SERGEF: variants seen among roughly 807,000 people sequenced by gnomAD.
The protein encoded by SERGEF is secretion regulating guanine nucleotide exchange factor, also known as secretion-regulating guanine nucleotide exchange factor.
A neutral mutation model predicts 50.0 loss-of-function variants in SERGEF; 51 were observed. That is an observed-to-expected ratio of 1.02 (90% CI 0.81 to 1.29). SERGEF has a LOEUF of 1.29. Ranked by LOEUF, SERGEF falls within the 50% of genes most tolerant of loss-of-function variation. The pLI is 0.00. For synonymous variants in SERGEF, 205 were observed against 212.4 expected, an observed-to-expected ratio of 0.97 and a Z score of 0.30; for missense variants, 521 against 557.0, an observed-to-expected ratio of 0.94 and a Z score of 0.65.
At chr11:17,922,196 C>T (rs987748616) in intron 9 of SERGEF, among the ~76,000 whole-genome samples, 1 of 152,198 alleles carries the variant, frequency 6.6e-6, no homozygotes, top group Non-Finnish European at 1.5e-5. Flanking sequence ...GAAAACCACT[C>T]CTGTCTACGA....
chr11:17,791,540 C>T (rs1193474689), intron 10 of SERGEF, among the ~76,000 whole-genome samples: 1 of 152,150 alleles, frequency 6.6e-6, no homozygotes. Context: ...AAAATAATTA[C>T]AATGTTTATC....
chr11:18,008,223 A>C (rs1248884401), intron 1 of SERGEF, 147 bp from the exon 2 acceptor site: 3 of 713,760 alleles, frequency 4.2e-6, no homozygotes, highest in Admixed American at 6.4e-5. Flanking sequence ...TTAAAAAAAA[A>C]TTTTTAGCTC....
At chr11:17,844,921 AC>A (rs1565183217) in intron 10 of SERGEF, among the ~76,000 whole-genome samples, 13 of 125,992 alleles carry the variant, frequency 1.0e-4, no homozygotes, top group African/African-American at 3.1e-4. Context: ...AACAAAACAA[AC>A]AAACAAAAAA....
chr11:17,970,999 C>T (rs1204350640), intron 8 of SERGEF, among the ~76,000 whole-genome samples: 1 of 152,026 alleles, frequency 6.6e-6, no homozygotes, highest in Non-Finnish European at 1.5e-5. Context: ...TCAAGACCAT[C>T]CTGGCTAACA....
At chr11:17,978,595 C>A (rs1373034198) in intron 8 of SERGEF, among the ~76,000 whole-genome samples, 1 of 152,254 alleles carries the variant, frequency 6.6e-6, no homozygotes, top group East Asian at 1.9e-4. Context: ...TCCTCTCCCA[C>A]AGCTGGCTCA....
chr11:17,955,069 T>C (rs1852838773), intron 9 of SERGEF, among the ~76,000 whole-genome samples: 1 of 152,232 alleles, frequency 6.6e-6, no homozygotes, highest in East Asian at 1.9e-4. Flanking sequence ...TGGGTAGGCA[T>C]CCTGATTGCA....
chr11:17,828,125 T>C (rs1179158179), intron 10 of SERGEF, among the ~76,000 whole-genome samples: 1 of 152,178 alleles, frequency 6.6e-6, no homozygotes, highest in African/African-American at 2.4e-5. Context: ...GTATCTACTG[T>C]GTGCTGCCTG....
At chr11:17,954,355 G>A (rs1452601376) in intron 9 of SERGEF, among the ~76,000 whole-genome samples, 1 of 152,200 alleles carries the variant, frequency 6.6e-6, no homozygotes, top group Non-Finnish European at 1.5e-5. Flanking sequence ...CGAGGGAGCT[G>A]TAGGACAAAG....
At chr11:17,947,330 G>T (rs541767688) in intron 9 of SERGEF, among the ~76,000 whole-genome samples, 3 of 152,312 alleles carry the variant, frequency 2.0e-5, no homozygotes, top group Middle Eastern at 3.4e-3. Flanking sequence ...TGGATGTGCA[G>T]GTAAGGGGGC....
At chr11:17,882,335 C>T (rs1851348344) in intron 9 of SERGEF, among the ~76,000 whole-genome samples, 1 of 146,450 alleles carries the variant, frequency 6.8e-6, no homozygotes, top group Non-Finnish European at 1.5e-5. Context: ...AGAAGAATTG[C>T]TTTAACCTGG....
chr11:17,951,321 T>C lies in SERGEF; in HGVS notation c.1011+8149A>G, dbSNP rs944267097. 3.9e-5 allele frequency among the ~76,000 whole-genome samples: 6 copies of C among 152,340 alleles called. No homozygotes were observed. The East Asian group carries it at 5.8e-4, about 15-fold the overall frequency. On this transcript the variant is annotated intron_variant, in intron 9 of 10. Transcript: ENST00000265965. ...TTTTTCTATAACTCTATGGGCAAGA[T>C]AAAGCAGATATTATTATGTGCACTT...
intron 5 of SERGEF, 116 bp from the exon 6 acceptor site, chr11:17,996,025 G>A: frequency 4.1e-6 from 3 of 736,266 alleles, no homozygotes; most frequent in South Asian, 1.7e-5. Context: ...TAATATGAGT[G>A]TTATGGAGAA....
chr11:17,813,492 T>C (rs1849909857), intron 10 of SERGEF, among the ~76,000 whole-genome samples: 1 of 152,186 alleles, frequency 6.6e-6, no homozygotes, highest in Non-Finnish European at 1.5e-5. Context: ...CCACATTCCA[T>C]TAAAATGAGA....
chr11:17,952,325 A>C (rs1309900887), intron 9 of SERGEF, among the ~76,000 whole-genome samples: 1 of 152,220 alleles, frequency 6.6e-6, no homozygotes, highest in Non-Finnish European at 1.5e-5. Context: ...ACCTGATGAC[A>C]AAAGAGGTAC....
chr11:17,889,678 T>C (rs915092991), intron 9 of SERGEF, among the ~76,000 whole-genome samples: 5 of 152,204 alleles, frequency 3.3e-5, no homozygotes, highest in Non-Finnish European at 7.3e-5. Flanking sequence ...AGAAGCTCTG[T>C]AGATTAGATA....
At chr11:17,943,850 C>CA (rs746906204) in intron 9 of SERGEF, among the ~76,000 whole-genome samples, 15 of 152,302 alleles carry the variant, frequency 9.8e-5, no homozygotes, top group Non-Finnish European at 1.9e-4. Context: ...CTCCTGTTTA[C>CA]AATTAACTCA....
intron 6 of SERGEF, among the ~76,000 whole-genome samples, chr11:17,995,474 G>T (rs909056789): frequency 6.6e-6 from 1 of 152,052 alleles, no homozygotes; most frequent in African/African-American, 2.4e-5. Flanking sequence ...CAGAATTAGG[G>T]GTTTGAAGAC....
At chr11:17,854,007 C>T (rs1457367423) in intron 10 of SERGEF, 4 of 122,180 alleles carry the variant, frequency 3.3e-5, no homozygotes, top group African/African-American at 3.2e-5. Context: ...GGGGACAGAG[C>T]GAGACACCGT....
intron 9 of SERGEF, among the ~76,000 whole-genome samples, chr11:17,890,612 G>C (rs896301025): frequency 2.0e-5 from 3 of 152,008 alleles, no homozygotes; most frequent in African/African-American, 4.8e-5. Flanking sequence ...GTAGAGATGG[G>C]GTCTTATGAT....
Sources: gnomAD v4.1 joint callset for allele counts (sites outside exome capture counted in the v4.1 genomes callset) on GRCh38, gnomAD v4.1.1 for gene constraint, MANE v1.5 for transcripts, NCBI Gene and HGNC (gene_info 2026-07-23, HGNC 2026-07-21) for gene names.